Variants in PDZRN3 observed in about 807,000 individuals in gnomAD.
The protein encoded by PDZRN3 is PDZ domain containing ring finger 3.
In PDZRN3, 38 loss-of-function variants were observed where a neutral mutation model predicts 85.7. That is an observed-to-expected ratio of 0.44 (90% CI 0.34 to 0.58). The LOEUF is 0.58. Ranked by LOEUF, PDZRN3 falls within the 20% of genes least tolerant of loss-of-function variation. The pLI is 0.01. For synonymous variants in PDZRN3, 759 were observed against 638.0 expected (o/e 1.19, Z -2.86); for missense variants, 1,629 against 1,506.4 (o/e 1.08, Z -1.35).
chr3:73,534,993 A>C (rs958583339), intron 3 of PDZRN3, among the ~76,000 whole-genome samples: 1 of 151,358 alleles, frequency 6.6e-6, no homozygotes, highest in African/African-American at 2.4e-5. Context: ...GTGATGTCAG[A>C]CTTCATCCTG....
intron 3 of PDZRN3, among the ~76,000 whole-genome samples, chr3:73,498,005 G>A (rs926694087): frequency 3.3e-5 from 5 of 152,314 alleles, no homozygotes; most frequent in Non-Finnish European, 7.4e-5. Context: ...AGTTGAGCTT[G>A]CTGGTTCTAA....
At chr3:73,486,783 T>G (rs1703670953) in intron 3 of PDZRN3, among the ~76,000 whole-genome samples, 1 of 152,214 alleles carries the variant, frequency 6.6e-6, no homozygotes, top group African/African-American at 2.4e-5. Context: ...GGTAACTGAT[T>G]GGCATAGATA....
intron 3 of PDZRN3, among the ~76,000 whole-genome samples, chr3:73,441,854 T>C (rs558895339): frequency 2.0e-5 from 3 of 152,304 alleles, no homozygotes; most frequent in African/African-American, 7.2e-5. Flanking sequence ...TGTAAATGAC[T>C]GGCCTGCTGA....
Position 73,383,368 on chromosome 3 carries a change from T to C in PDZRN3, c.3198A>G (p.Val1066=), listed in dbSNP as rs1703293433. The C allele has an allele frequency of 1.9e-6, 3 of 1,602,766 alleles. No individual in the cohort carries two copies. The highest frequency in any genetic ancestry group is 1.7e-5 in the Admixed American group (1 of 59,184). Reference sequence around the variant, plus strand: ...GTACATAATGCAGAAGTGAAAATTATACAGTAGTCACCGATAGGAAGGAAT... The same window carrying C: ...GTACATAATGCAGAAGTGAAAATTACACAGTAGTCACCGATAGGAAGGAAT... ...VYNSFLSVTT[V] The change falls in exon 10 of 10, where the codon GTA becomes GTG. Residue 1066 remains valine (V), a synonymous_variant. Coordinates refer to ENST00000263666, the MANE Select transcript of PDZRN3 (RefSeq NM_015009.3).
At chr3:73,580,948 C>T (rs186302415) in intron 3 of PDZRN3, among the ~76,000 whole-genome samples, 1 of 152,340 alleles carries the variant, frequency 6.6e-6, no homozygotes, top group African/African-American at 2.4e-5. Context: ...GCTGCCTTTG[C>T]TGTATCCGGT....
intron 3 of PDZRN3, among the ~76,000 whole-genome samples, chr3:73,425,664 C>T (rs1051486534): frequency 2.6e-5 from 4 of 151,420 alleles, no homozygotes; most frequent in African/African-American, 9.7e-5. Context: ...CGAGGTAAGG[C>T]GGATACTTAT....
At position 73,529,385 on chromosome 3, in the gene PDZRN3, A is replaced by C. The variant is rs570812926; in HGVS notation, c.918+72969T>G. 5.8e-4 allele frequency among the ~76,000 whole-genome samples: 88 copies of C among 152,322 alleles called. 1 individual carries two copies. The highest frequency in any genetic ancestry group is 2.0e-3 in the African/African-American group (83 of 41,570). ...AACACCTGCCTCTATCCAGGGCTGCAAACAGGTGACCTGAGGTTTCTCTGC... is the reference window on the plus strand; with the variant it reads ...AACACCTGCCTCTATCCAGGGCTGCCAACAGGTGACCTGAGGTTTCTCTGC... On this transcript the variant is annotated intron_variant, in intron 3 of 9. Transcript: ENST00000263666.
intron 3 of PDZRN3, among the ~76,000 whole-genome samples, chr3:73,596,159 G>A (rs535429509): frequency 2.6e-4 from 39 of 152,186 alleles, no homozygotes; most frequent in African/African-American, 9.4e-4. Flanking sequence ...GAGCTCCATT[G>A]GGCCAAAACT....
chr3:73,398,263 G>A (rs889241950), intron 5 of PDZRN3, among the ~76,000 whole-genome samples: 2 of 152,124 alleles, frequency 1.3e-5, no homozygotes, highest in African/African-American at 2.4e-5. Flanking sequence ...GGACAGTGTG[G>A]ACAATATTCG....
rs1704018675 is a variant in PDZRN3 at position 73,503,470 on chromosome 3, A to T, written c.918+98884T>A. On this transcript the variant is annotated intron_variant, in intron 3 of 9. Transcript: ENST00000263666. Reference sequence around the variant, plus strand: ...TTAAATACCAGGCTTCAAAAAAAGTATGATTTCTTCACTTTAAATCATTTC... The same window carrying T: ...TTAAATACCAGGCTTCAAAAAAAGTTTGATTTCTTCACTTTAAATCATTTC... Among the ~76,000 whole-genome samples the T allele has an allele frequency of 3.9e-5, 6 of 152,358 alleles. 1 individual carries two copies. The South Asian group carries it at 1.2e-3, about 32-fold the overall frequency.
At chr3:73,525,229 A>G (rs1372671485) in intron 3 of PDZRN3, among the ~76,000 whole-genome samples, 1 of 152,140 alleles carries the variant, frequency 6.6e-6, no homozygotes, top group Non-Finnish European at 1.5e-5. Flanking sequence ...AGCATTTATA[A>G]TAACTGCTTT....
intron 3 of PDZRN3, among the ~76,000 whole-genome samples, chr3:73,549,541 T>TTTGTTGCCAAACAAA (rs1701503249): frequency 6.6e-6 from 1 of 152,154 alleles, no homozygotes; most frequent in African/African-American, 2.4e-5. Flanking sequence ...AGTACACTCC[T>TTTGTTGCCAAACAAA]GGTAATCGGC....
intron 3 of PDZRN3, among the ~76,000 whole-genome samples, chr3:73,425,193 G>C (rs1419993514): frequency 2.0e-5 from 3 of 149,816 alleles, no homozygotes; most frequent in African/African-American, 7.4e-5. Context: ...TTTTTTTTTT[G>C]TATTTTTAGT....
intron 3 of PDZRN3, among the ~76,000 whole-genome samples, chr3:73,551,632 C>T (rs1701556789): frequency 6.9e-6 from 1 of 144,024 alleles, no homozygotes; most frequent in Non-Finnish European, 1.5e-5. Context: ...AAGGCTGCAG[C>T]GAACTGTGAT....
chr3:73,509,569 G>A (rs932913843), intron 3 of PDZRN3, among the ~76,000 whole-genome samples: 3 of 152,114 alleles, frequency 2.0e-5, no homozygotes, highest in African/African-American at 7.2e-5. Flanking sequence ...CTCAACTAAC[G>A]TACTGACAAA....
intron 3 of PDZRN3, among the ~76,000 whole-genome samples, chr3:73,441,069 A>G (rs957403544): frequency 3.3e-5 from 5 of 152,204 alleles, no homozygotes; most frequent in Non-Finnish European, 7.3e-5. Flanking sequence ...TTTGTGGGTC[A>G]AGAGGCAAAA....
chr3:73,433,759 A>G, intron 3 of PDZRN3: 1 of 1,535,210 alleles, frequency 6.5e-7, no homozygotes, highest in Non-Finnish European at 8.7e-7. Context: ...ACCCGGGAAA[A>G]GCAGCTCCCT....
intron 3 of PDZRN3, among the ~76,000 whole-genome samples, chr3:73,414,550 G>A (rs1702038495): frequency 6.6e-6 from 1 of 152,200 alleles, no homozygotes; most frequent in South Asian, 2.1e-4. Flanking sequence ...TACAGACCAT[G>A]TGGAAAAACT....
In PDZRN3 at chr3:73,624,634, C is replaced by T. The variant is rs1327092951; in HGVS notation, c.192G>A (p.Glu64=). Residue 64 remains glutamate (E), a synonymous_variant, in exon 1 of 10, where the codon GAG becomes GAA. Transcript: ENST00000263666. ...ARCRGRLSAK[E]LNHVLPLKRL... is the part of the protein sequence containing the mutation. ...GCTTGAGCGGCAGGACGTGGTTGAG[C>T]TCTTTGGCCGACAGGCGACCGCGGC... 2 of 1,555,078 alleles carry T rather than the reference C, an allele frequency of 1.3e-6. No homozygotes were observed. Among genetic ancestry groups the T allele is most frequent in the South Asian group, 1.2e-5 (1 of 83,992 alleles).
Sources: gnomAD v4.1 joint callset for allele counts (sites outside exome capture counted in the v4.1 genomes callset) on GRCh38, gnomAD v4.1.1 for gene constraint, MANE v1.5 for transcripts, NCBI Gene and HGNC (gene_info 2026-07-23, HGNC 2026-07-21) for gene names.